Variants in ASB3 observed in about 807,000 individuals in gnomAD.
ASB3 encodes ankyrin repeat and SOCS box containing 3.
In ASB3, 41 loss-of-function variants were observed where a neutral mutation model predicts 54.5. The ratio of observed to expected loss-of-function variants is 0.75; its 90% CI spans 0.59 to 0.98. ASB3 has a LOEUF of 0.98. Ranked by LOEUF, ASB3 falls within the 50% of genes least tolerant of loss-of-function variation. ASB3 has a pLI of 0.00. For synonymous variants in ASB3, 266 were observed against 221.2 expected, an observed-to-expected ratio of 1.20 and a Z score of -1.80; for missense variants, 733 against 620.0, an observed-to-expected ratio of 1.18 and a Z score of -1.94.
At chr2:53,704,009 CA>C (rs1669631035) in intron 7 of ASB3, among the ~76,000 whole-genome samples, 1 of 151,826 alleles carries the variant, frequency 6.6e-6, no homozygotes, top group South Asian at 2.1e-4. Context: ...GTATTGTGAC[CA>C]AATTTGAATT....
chr2:53,768,026 GGCGCCGGTCA>G, intron 1 of ASB3: 1 of 1,612,912 alleles, frequency 6.2e-7, no homozygotes, highest in Non-Finnish European at 8.5e-7. Context: ...GGCAAGGTGA[GGCGCCGGTCA>G]GCTCCCCACA....
chr2:53,697,872 T>A (rs1005209023), intron 8 of ASB3, among the ~76,000 whole-genome samples: 2 of 152,162 alleles, frequency 1.3e-5, no homozygotes, highest in Admixed American at 1.3e-4. Flanking sequence ...GTCCCACCCC[T>A]ATGGCGCCCC....
chr2:53,751,886 T>G (rs1292459860), intron 2 of ASB3, among the ~76,000 whole-genome samples: 1 of 151,444 alleles, frequency 6.6e-6, no homozygotes, highest in Non-Finnish European at 1.5e-5. Flanking sequence ...CAAGATAGAG[T>G]AGTCATATTT....
intron 3 of ASB3, among the ~76,000 whole-genome samples, chr2:53,745,503 C>T (rs991329277): frequency 1.6e-4 from 25 of 152,136 alleles, no homozygotes; most frequent in African/African-American, 6.0e-4. Flanking sequence ...AGTCCCATTA[C>T]AAACAGTGGA....
chr2:53,670,288 T>C lies in ASB3; in HGVS notation c.*215A>G. The C allele has an allele frequency of 6.6e-6, 3 of 453,688 alleles. No homozygotes were observed. In the South Asian group the frequency reaches 1.2e-4, roughly 18 times the overall value. 28.1% of individuals were successfully genotyped at this position (453,688 alleles called of 1,614,324 possible). A position where few individuals can be genotyped will look rare whatever the true frequency, so the allele number is the denominator to read the frequency against. The stretch of plus-strand genomic sequence containing the variant: ...GCAATAAAGTAATATAAGTGATGTT[T>C]ACAATTTTTTTTTTTTTTTTTTTTT... On this transcript the variant is annotated 3_prime_UTR_variant, in exon 10 of 10. Coordinates refer to ENST00000263634, the MANE Select transcript of ASB3 (RefSeq NM_016115.5).
At chr2:53,703,052 T>G (rs1012934608) in intron 7 of ASB3, among the ~76,000 whole-genome samples, 16 of 152,204 alleles carry the variant, frequency 1.1e-4, no homozygotes, top group Non-Finnish European at 4.4e-5. Flanking sequence ...ATGATTAGTA[T>G]CAACTAGAAA....
intron 1 of ASB3, chr2:53,774,119 G>A (rs1558576017): frequency 1.3e-6 from 2 of 1,567,494 alleles, no homozygotes; most frequent in African/African-American, 1.4e-5. Context: ...TAATACCAGT[G>A]TATTCTTTTC....
intron 7 of ASB3, among the ~76,000 whole-genome samples, chr2:53,704,913 C>T (rs1033888451): frequency 6.6e-6 from 1 of 152,146 alleles, no homozygotes. Flanking sequence ...TTTTCTACAA[C>T]TATATAACTT....
At chr2:53,785,304 AAC>A (rs1674886184) in intron 1 of ASB3, among the ~76,000 whole-genome samples, 1 of 152,224 alleles carries the variant, frequency 6.6e-6, no homozygotes, top group Admixed American at 6.5e-5. Flanking sequence ...AGCTCTATTG[AAC>A]ACAGATTCAA....
At chr2:53,705,799 T>C (rs540798638) in intron 7 of ASB3, among the ~76,000 whole-genome samples, 2 of 152,336 alleles carry the variant, frequency 1.3e-5, no homozygotes, top group African/African-American at 4.8e-5. Flanking sequence ...GGATAATTTC[T>C]TTAAATTTGT....
At chr2:53,733,637 T>C (rs913087195) in intron 3 of ASB3, among the ~76,000 whole-genome samples, 4 of 152,160 alleles carry the variant, frequency 2.6e-5, no homozygotes, top group Admixed American at 2.6e-4. Context: ...AGACAGGGTT[T>C]CTCCATTTTG....
chr2:53,780,534 T>G (rs1674587246), intron 1 of ASB3, among the ~76,000 whole-genome samples: 1 of 152,156 alleles, frequency 6.6e-6, no homozygotes, highest in Non-Finnish European at 1.5e-5. Flanking sequence ...ATCTCAGCAA[T>G]TTGGGAGGCC....
chr2:53,713,357 T>C (rs1670210970), intron 7 of ASB3, among the ~76,000 whole-genome samples: 1 of 152,250 alleles, frequency 6.6e-6, no homozygotes, highest in African/African-American at 2.4e-5. Context: ...CAACCTCTTC[T>C]GTGTCATTAA....
intron 3 of ASB3, among the ~76,000 whole-genome samples, chr2:53,744,202 T>G (rs1403012397): frequency 1.3e-5 from 2 of 150,130 alleles, no homozygotes; most frequent in East Asian, 2.0e-4. Flanking sequence ...CGGTGAAACC[T>G]CATCTCTACT....
intron 3 of ASB3, among the ~76,000 whole-genome samples, chr2:53,746,165 G>C (rs114386076): frequency 0.011 from 1,631 of 152,024 alleles, 30 homozygotes; most frequent in African/African-American, 0.037. Flanking sequence ...GTGTGGTGGC[G>C]GTGCTTGTGG....
chr2:53,677,141 T>C (rs186117847), intron 9 of ASB3, among the ~76,000 whole-genome samples: 206 of 152,342 alleles, frequency 1.4e-3, no homozygotes, highest in Non-Finnish European at 2.5e-3. Context: ...CAACTGCCTA[T>C]AGTATTCAGC....
At chr2:53,771,280 C>T (rs764532211) in intron 1 of ASB3, among the ~76,000 whole-genome samples, 15 of 152,216 alleles carry the variant, frequency 9.9e-5, no homozygotes, top group South Asian at 6.2e-4. Flanking sequence ...TTTGGGAGGC[C>T]GAGACGGGTG....
intron 1 of ASB3, among the ~76,000 whole-genome samples, chr2:53,784,043 T>C (rs1199385394): frequency 6.6e-6 from 1 of 152,230 alleles, no homozygotes; most frequent in Non-Finnish European, 1.5e-5. Context: ...GAGTTTATTT[T>C]AGCAAACATG....
chr2:53,692,326 C>G (rs1193040536), intron 9 of ASB3, among the ~76,000 whole-genome samples: 1 of 152,018 alleles, frequency 6.6e-6, no homozygotes, highest in Non-Finnish European at 1.5e-5. Context: ...TTGCATATGT[C>G]AAGATGTGAG....
Sources: gnomAD v4.1 joint callset for allele counts (sites outside exome capture counted in the v4.1 genomes callset) on GRCh38, gnomAD v4.1.1 for gene constraint, MANE v1.5 for transcripts, NCBI Gene and HGNC (gene_info 2026-07-23, HGNC 2026-07-21) for gene names.